The following APC2 variants were observed in gnomAD, a reference collection of about 807,000 sequenced individuals.
APC2 encodes the protein APC regulator of Wnt signaling pathway 2, also known as adenomatous polyposis coli protein 2.
A neutral mutation model predicts 72.5 loss-of-function variants in APC2; 41 were observed. That is an observed-to-expected ratio of 0.57 (90% confidence interval 0.44 to 0.73). The LOEUF is 0.73. Ranked by LOEUF, APC2 falls within the 30% of genes least tolerant of loss-of-function variation. APC2 has a pLI of 0.00. For missense variants in APC2, 3,729 were observed against 3,403.4 expected (o/e 1.10, Z -2.38); for synonymous variants, 1,898 against 1,612.0 (o/e 1.18, Z -4.25).
intron 10 of APC2, 78 bp downstream of exon 10, chr19:1,458,138 C>T: frequency 3.8e-6 from 5 of 1,323,656 alleles, no homozygotes; most frequent in Non-Finnish European, 4.2e-6. Context: ...TAAAGGGACA[C>T]AGGCTGGGTC....
Position 1,466,841 on chromosome 19 carries a change from C to T in APC2, c.3540C>T (p.Ile1180=). 2 of 1,558,956 alleles carry T rather than the reference C, an allele frequency of 1.3e-6. No individual in the cohort carries two copies. The highest frequency in any genetic ancestry group is 3.3e-4 in the Middle Eastern group (2 of 6,002). ...AGAGCCCGTCCATCGCCAGCTCCAT[C>T]CCCAGTGAACCTTGCAGCGGGCAGG... ...SFESPSIASS[I]PSEPCSGQGS... The change falls in exon 15 of 15, where the codon ATC becomes ATT. Residue 1180 remains isoleucine (I), a synonymous_variant. Coordinates refer to ENST00000590469, the MANE Select transcript of APC2 (RefSeq NM_005883.3).
chr19:1,468,095 T>C lies in APC2; in HGVS notation c.4794T>C (p.His1598=), dbSNP rs1366939248. 1 of 1,537,376 alleles carries C rather than the reference T, an allele frequency of 6.5e-7. No individual in the cohort carries two copies. The highest frequency in any genetic ancestry group is 8.7e-7 in the Non-Finnish European group (1 of 1,150,884). The change falls in exon 15 of 15, where the codon CAT becomes CAC. Residue 1598 remains histidine, a synonymous_variant. Transcript: ENST00000590469. The part of the protein sequence containing the change: ...EPEPSEPPAV[H]PRGREPAVTK... The stretch of plus-strand genomic sequence containing the variant: ...AGCCCTCGGAGCCGCCGGCCGTCCA[T>C]CCACGAGGCCGGGAGCCCGCGGTCA...
In APC2 at chr19:1,468,513, G is replaced by A. The variant is rs1363370174; in HGVS notation, c.5212G>A (p.Gly1738Arg). ...STLQPPKHRK[G>R]RQAEGEMGSA... ...CCTACAGCCCCCCAAGCACAGGAAG[G>A]GACGACAGGCGGAGGGAGAAATGGG... Residue 1738 changes from glycine (G) to arginine (R), a missense_variant, in exon 15 of 15, where the codon GGA (glycine) becomes AGA (arginine). Gly to Arg is a moderately radical substitution (Grantham distance 125, BLOSUM62 -2). Coordinates refer to ENST00000590469, the MANE Select transcript of APC2 (RefSeq NM_005883.3). The A allele has an allele frequency of 3.7e-6, 6 of 1,603,526 alleles. No individual in the cohort carries two copies. In the African/African-American group the frequency reaches 4.0e-5, roughly 11 times the overall value.
upstream of APC2, among the ~76,000 whole-genome samples, chr19:1,449,522 G>A (rs2083717863): frequency 6.6e-6 from 1 of 152,198 alleles, no homozygotes; most frequent in Non-Finnish European, 1.5e-5. Context: ...GACAGAAAGA[G>A]AGAGGGACAT....
Position 1,468,446 on chromosome 19 carries a change from C to T in APC2, c.5145C>T (p.Asp1715=), listed in dbSNP as rs1358414810. The change falls in exon 15 of 15, where the codon GAC becomes GAT. Residue 1715 remains aspartate (D), a synonymous_variant. Transcript: ENST00000590469. The part of the protein sequence containing the change: ...AATREASSES[D]SILSFVSGLS... ...CGCGGGAGGCCTCGTCCGAGTCCGA[C>T]TCCATCCTGTCCTTCGTATCCGGGC... 2 of 1,595,612 alleles carry T rather than the reference C, an allele frequency of 1.3e-6. No individual in the cohort carries two copies. Among genetic ancestry groups the T allele is most frequent in the Admixed American group, 1.7e-5 (1 of 58,316 alleles).
Position 1,468,805 on chromosome 19 carries a change from C to A in APC2, c.5504C>A (p.Pro1835His). ...QPAAPAKVPS[P>H]GQQRSRSLHR... ...GCGGCTCCAGCCAAAGTCCCGAGCC[C>A]CGGGCAGCAGCGGTCGCGGAGCCTA... Residue 1835 changes from proline (P) to histidine (H), a missense_variant, in exon 15 of 15, where the codon CCC becomes CAC. Coordinates refer to ENST00000590469, the MANE Select transcript of APC2 (RefSeq NM_005883.3). The A allele has an allele frequency of 1.3e-6, 2 of 1,535,324 alleles. No individual in the cohort carries two copies. Among genetic ancestry groups the A allele is most frequent in the Non-Finnish European group, 1.7e-6 (2 of 1,144,534 alleles).
intron 10 of APC2, among the ~76,000 whole-genome samples, chr19:1,459,369 G>A (rs777163265): frequency 1.4e-4 from 22 of 152,146 alleles, no homozygotes; most frequent in African/African-American, 1.9e-4. Context: ...CACCACACCC[G>A]GCCAAAGCCT....
chr19:1,466,650 C>A lies in APC2; in HGVS notation c.3349C>A (p.Pro1117Thr). Residue 1117 changes from proline to threonine, a missense_variant, in exon 15 of 15, where the codon CCC becomes ACC. Transcript: ENST00000590469. ...EAELDSTWRA[P>T]GATSLPVAIP... ...TGAGCTGGACAGCACGTGGCGGGCG[C>A]CCGGGGCCACCTCGCTGCCCGTAGC... 1 of 1,494,228 alleles carries A rather than the reference C, an allele frequency of 6.7e-7. No individual in the cohort carries two copies. Among genetic ancestry groups the A allele is most frequent in the Non-Finnish European group, 8.9e-7 (1 of 1,122,892 alleles). The allele number at this position is 1,494,228 out of a possible 1,614,324, so 92.6% of individuals were successfully genotyped here.
At position 1,469,042 on chromosome 19, in the gene APC2, G is replaced by C. The variant is rs1334812290; in HGVS notation, c.5741G>C (p.Arg1914Pro). Residue 1914 changes from arginine to proline, a missense_variant, in exon 15 of 15, where the codon CGC becomes CCC. Transcript: ENST00000590469. ...TCCCCGGTGCCCAAAACGCCGGCGC[G>C]CACCCTTCTGGCGAAGCAGCACAAG... ...GASPVPKTPA[R>P]TLLAKQHKTQ... 6.5e-7 allele frequency: 1 copy of C among 1,539,636 alleles called. No homozygotes were observed. The highest frequency in any genetic ancestry group is 1.4e-5 in the African/African-American group (1 of 70,478).
At chr19:1,461,420 ACAGC>A (rs988184127) in intron 13 of APC2, 27 of 515,500 alleles carry the variant, frequency 5.2e-5, no homozygotes, top group African/African-American at 5.0e-4. Context: ...ACTAAAAAAA[ACAGC>A]CAGGCGTGGC....
chr19:1,446,562 G>A (rs1045036062), upstream of APC2, among the ~76,000 whole-genome samples: 13 of 151,668 alleles, frequency 8.6e-5, no homozygotes, highest in African/African-American at 2.7e-4. The surrounding 1 kb of genome is among the most constrained non-coding windows in gnomAD (Gnocchi z 6.1). Flanking sequence ...GCGCCGCTGC[G>A]ACCCCCAGCC....
intron 14 of APC2, among the ~76,000 whole-genome samples, chr19:1,462,832 A>G (rs1351474578): frequency 2.1e-5 from 3 of 144,230 alleles, no homozygotes; most frequent in Non-Finnish European, 3.0e-5. Context: ...TTAGCTGGGC[A>G]TGGTGGTGGG....
In APC2 at chr19:1,467,842, C is replaced by G; in HGVS notation, c.4541C>G (p.Ser1514Trp). 5 of 1,532,242 alleles carry G rather than the reference C, an allele frequency of 3.3e-6. No homozygotes were observed. The highest frequency in any genetic ancestry group is 1.4e-5 in the African/African-American group (1 of 71,272). 94.9% of individuals were successfully genotyped at this position (1,532,242 alleles called of 1,614,324 possible). The change falls in exon 15 of 15, where the codon TCG becomes TGG. Residue 1514 changes from serine to tryptophan, a missense_variant. Physicochemically the swap from Ser to Trp is radical, Grantham distance 177. Coordinates refer to ENST00000590469, the MANE Select transcript of APC2 (RefSeq NM_005883.3). ...EAVYCFYGND[S>W]DEEPPAAAPT... ...GTGTACTGCTTCTACGGCAACGACT[C>G]GGACGAGGAGCCCCCGGCGGCCGCG... is the stretch of plus-strand genomic sequence containing the variant.
At position 1,467,847 on chromosome 19, in the gene APC2, G is replaced by A. The variant is rs754717651; in HGVS notation, c.4546G>A (p.Glu1516Lys). The change falls in exon 15 of 15, where the codon GAG becomes AAG. Residue 1516 changes from glutamate to lysine, a missense_variant. By Grantham distance (56) the Glu-to-Lys change is moderately conservative. Transcript: ENST00000590469. ...CTGCTTCTACGGCAACGACTCGGACGAGGAGCCCCCGGCGGCCGCGCCCAC... is the reference window on the plus strand; with the variant it reads ...CTGCTTCTACGGCAACGACTCGGACAAGGAGCCCCCGGCGGCCGCGCCCAC... ...VYCFYGNDSD[E>K]EPPAAAPTPT... 6.5e-6 allele frequency: 10 copies of A among 1,537,716 alleles called. No individual in the cohort carries two copies. Among genetic ancestry groups the A allele is most frequent in the South Asian group, 2.4e-5 (2 of 82,846 alleles).
Position 1,462,085 on chromosome 19 carries a change from C to A in APC2, c.1761C>A (p.Tyr587Ter). Reference protein sequence around the residue: ...ALGFLVSTLTYKCQSNSLAII... With the variant: ...ALGFLVSTLT ...GCTTCCTGGTGAGCACCCTGACCTA[C>A]AAGTGTCAGAGCAACTCGCTGGCCA... The change falls in exon 14 of 15, where the codon TAC (tyrosine) becomes TAA (stop). Residue 587 changes from tyrosine (Y) to a stop codon, truncating the protein, a stop_gained. Transcript: ENST00000590469. LOFTEE classifies it high-confidence loss of function. 1 of 1,613,032 alleles carries A rather than the reference C, an allele frequency of 6.2e-7. No individual in the cohort carries two copies. The highest frequency in any genetic ancestry group is 1.3e-5 in the African/African-American group (1 of 75,050).
In APC2 at chr19:1,462,048, A is replaced by G; in HGVS notation, c.1724A>G (p.Asp575Gly). ...AACAAGGCGGCCATCTGCCAGGTGG[A>G]TGGCGCCCTGGGCTTCCTGGTGAGC... ...TENKAAICQV[D>G]GALGFLVSTL... Residue 575 changes from aspartate to glycine, a missense_variant, in exon 14 of 15, where the codon GAT becomes GGT. By Grantham distance (94) the Asp-to-Gly change is moderately conservative. Coordinates refer to ENST00000590469, the MANE Select transcript of APC2 (RefSeq NM_005883.3). 1.2e-6 allele frequency: 2 copies of G among 1,613,056 alleles called. No individual in the cohort carries two copies. Among genetic ancestry groups the G allele is most frequent in the Non-Finnish European group, 1.7e-6 (2 of 1,179,982 alleles).
At position 1,466,124 on chromosome 19, in the gene APC2, T is replaced by C. The variant is rs762732270; in HGVS notation, c.2823T>C (p.His941=). The C allele has an allele frequency of 2.6e-6, 4 of 1,563,700 alleles. No individual in the cohort carries two copies. In the South Asian group the frequency reaches 4.6e-5, roughly 18 times the overall value. The change falls in exon 15 of 15, where the codon CAT becomes CAC. Residue 941 remains histidine (H), a synonymous_variant. Coordinates refer to ENST00000590469, the MANE Select transcript of APC2 (RefSeq NM_005883.3). ...SASDGYCPRE[H]MLPCPLAALA... ...GCGACGGGTACTGCCCACGCGAACA[T>C]ATGCTGCCCTGCCCGCTGGCCGCAC...
chr19:1,450,298 C>A lies in APC2; in HGVS notation c.-59C>A. ...CGGAGCCGCGCAGAGGGAGGAGGCC[C>A]CAGACCCAGGCGCCCCGCCAGCCCA... On this transcript the variant is annotated 5_prime_UTR_variant, in exon 1 of 15. Transcript: ENST00000590469. 1.0e-6 allele frequency: 1 copy of A among 985,476 alleles called. No individual in the cohort carries two copies. The allele number at this position is 985,476 out of a possible 1,614,324, so 61.0% of individuals were successfully genotyped here.
upstream of APC2, chr19:1,450,060 T>A (rs1056280377): frequency 1.6e-5 from 14 of 898,202 alleles, no homozygotes; most frequent in Non-Finnish European, 1.9e-5. Context: ...CACCAGCCCG[T>A]CTTCCCGCGC....
Sources: gnomAD v4.1 joint callset for allele counts (sites outside exome capture counted in the v4.1 genomes callset) on GRCh38, gnomAD v4.1.1 for gene constraint, Gnocchi (gnomAD v3.1) non-coding constraint, MANE v1.5 for transcripts, NCBI Gene and HGNC (gene_info 2026-07-23, HGNC 2026-07-21) for gene names.